The following GRID2 variants were observed in gnomAD, a reference collection of about 807,000 sequenced individuals.
GRID2 encodes the protein glutamate ionotropic receptor delta type subunit 2, also known as glutamate receptor ionotropic, delta-2.
A neutral mutation model predicts 114.8 loss-of-function variants in GRID2; 33 were observed. The observed-to-expected ratio is 0.29, with a 90% CI of 0.22 to 0.38. GRID2 has a LOEUF of 0.38. Ranked by LOEUF, GRID2 falls within the 10% of genes least tolerant of loss-of-function variation. The pLI is 1.00. For missense variants in GRID2, 1,184 were observed against 1,257.7 expected (o/e 0.94, Z 0.89); for synonymous variants, 505 against 449.9 (o/e 1.12, Z -1.55).
intron 2 of GRID2, among the ~76,000 whole-genome samples, chr4:92,957,109 C>A (rs1461772256): frequency 3.3e-5 from 5 of 152,034 alleles, no homozygotes; most frequent in Non-Finnish European, 1.5e-5. Flanking sequence ...CTTGTTTTAT[C>A]ATTCTCTTGA....
chr4:92,556,943 G>A (rs1176668991), intron 1 of GRID2, among the ~76,000 whole-genome samples: 9 of 152,084 alleles, frequency 5.9e-5, no homozygotes, highest in East Asian at 3.9e-4. Context: ...TACCACTCAC[G>A]TAATATCCTA....
chr4:93,595,771 C>G (rs1389822428), intron 13 of GRID2, among the ~76,000 whole-genome samples: 1 of 152,122 alleles, frequency 6.6e-6, no homozygotes, highest in Non-Finnish European at 1.5e-5. Flanking sequence ...ATTCCCTCAT[C>G]ATTATATTAC....
At chr4:92,986,896 G>A (rs1301653764) in intron 2 of GRID2, among the ~76,000 whole-genome samples, 1 of 152,082 alleles carries the variant, frequency 6.6e-6, no homozygotes, top group Non-Finnish European at 1.5e-5. Flanking sequence ...TGGACAGCTT[G>A]GTGAGTTGAC....
chr4:92,803,631 G>T (rs993034875), intron 2 of GRID2, among the ~76,000 whole-genome samples: 21 of 151,900 alleles, frequency 1.4e-4, no homozygotes, highest in African/African-American at 5.1e-4. Flanking sequence ...TCAGTGAAAA[G>T]ATTTTCAGAG....
At chr4:92,813,896 A>G (rs1274509647) in intron 2 of GRID2, among the ~76,000 whole-genome samples, 1 of 152,096 alleles carries the variant, frequency 6.6e-6, no homozygotes, top group Non-Finnish European at 1.5e-5. Flanking sequence ...TGATCTTACC[A>G]TATATTTCTA....
intron 14 of GRID2, among the ~76,000 whole-genome samples, chr4:93,763,035 T>C (rs1407401301): frequency 1.3e-5 from 2 of 152,092 alleles, no homozygotes; most frequent in Non-Finnish European, 2.9e-5. Context: ...TTAGCACCTA[T>C]AGCCTTTGCA....
At chr4:93,204,695 C>T (rs1270546845) in intron 4 of GRID2, among the ~76,000 whole-genome samples, 1 of 152,132 alleles carries the variant, frequency 6.6e-6, no homozygotes, top group Non-Finnish European at 1.5e-5. Context: ...ATCTCATGGT[C>T]TAGATAAGTT....
At chr4:93,401,271 A>G (rs1449339399) in intron 9 of GRID2, among the ~76,000 whole-genome samples, 1 of 152,118 alleles carries the variant, frequency 6.6e-6, no homozygotes, top group Non-Finnish European at 1.5e-5. Flanking sequence ...GAATTCATAT[A>G]TAAATATATG....
chr4:93,473,474 C>G (rs1725034987), intron 11 of GRID2, among the ~76,000 whole-genome samples: 1 of 151,652 alleles, frequency 6.6e-6, no homozygotes, highest in African/African-American at 2.4e-5. Flanking sequence ...TTACTGTGTC[C>G]CACTAGATAT....
intron 2 of GRID2, among the ~76,000 whole-genome samples, chr4:92,947,057 A>T (rs1293893615): frequency 6.6e-6 from 1 of 152,096 alleles, no homozygotes; most frequent in African/African-American, 2.4e-5. Flanking sequence ...ACATGCTAAT[A>T]ATTTTGTAGG....
intron 4 of GRID2, among the ~76,000 whole-genome samples, chr4:93,131,043 A>T (rs1235324023): frequency 1.3e-5 from 2 of 152,100 alleles, no homozygotes; most frequent in Non-Finnish European, 2.9e-5. Flanking sequence ...ACATAAATGA[A>T]AGTAAAGATT....
At chr4:92,733,224 A>G (rs533286690) in intron 2 of GRID2, among the ~76,000 whole-genome samples, 1 of 152,242 alleles carries the variant, frequency 6.6e-6, no homozygotes, top group African/African-American at 2.4e-5. Flanking sequence ...TCTGATTTCT[A>G]TCCAAATGGA....
chr4:92,455,477 T>C (rs549894498), intron 1 of GRID2, among the ~76,000 whole-genome samples: 1 of 152,212 alleles, frequency 6.6e-6, no homozygotes, highest in East Asian at 1.9e-4. Context: ...AACGTGAACC[T>C]AGTGTTGGGC....
At chr4:93,170,062 A>G (rs957356273) in intron 4 of GRID2, among the ~76,000 whole-genome samples, 38 of 152,136 alleles carry the variant, frequency 2.5e-4, no homozygotes, top group Non-Finnish European at 2.9e-5. Context: ...ATTTCAAGTA[A>G]AACAAACTTC....
rs1430112083 is a variant in GRID2 at position 93,772,209 on chromosome 4, CACG to C, written c.2738_2740del (p.Arg913del). The C allele has an allele frequency of 1.2e-6, 2 of 1,613,962 alleles. No individual in the cohort carries two copies. The highest frequency in any genetic ancestry group is 2.7e-5 in the African/African-American group (2 of 74,902). The stretch of plus-strand genomic sequence containing the variant: ...CCTCTGGACATTGACACTTTGCCAA[CACG>C]ACAAGCACTGGAGCAAATCAGTGAT... On this transcript the variant is annotated inframe_deletion, in exon 16 of 16. Coordinates refer to ENST00000282020, the MANE Select transcript of GRID2 (RefSeq NM_001510.4).
chr4:92,377,915 G>A (rs1454375525), intron 1 of GRID2, among the ~76,000 whole-genome samples: 1 of 151,998 alleles, frequency 6.6e-6, no homozygotes, highest in African/African-American at 2.4e-5. Context: ...GATTTGAGTG[G>A]GGACACAGCC....
chr4:92,423,783 G>T (rs1312432809), intron 1 of GRID2, among the ~76,000 whole-genome samples: 1 of 152,062 alleles, frequency 6.6e-6, no homozygotes, highest in Admixed American at 6.6e-5. Context: ...TTTTGTAGCC[G>T]AAAGTAAGTT....
At chr4:93,777,134 A>G (rs1389185882), downstream of GRID2, among the ~76,000 whole-genome samples, 1 of 152,112 alleles carries the variant, frequency 6.6e-6, no homozygotes, top group Non-Finnish European at 1.5e-5. Context: ...TCCAACCCAC[A>G]CATACCTCCA....
chr4:92,434,624 G>C (rs28540041), intron 1 of GRID2, among the ~76,000 whole-genome samples: 54,890 of 151,832 alleles, frequency 0.36, 11,049 homozygotes, highest in African/African-American at 0.54. Context: ...AAATAGAATA[G>C]AGATAGGGTA....
Sources: gnomAD v4.1 joint callset for allele counts (sites outside exome capture counted in the v4.1 genomes callset) on GRCh38, gnomAD v4.1.1 for gene constraint, MANE v1.5 for transcripts, NCBI Gene and HGNC (gene_info 2026-07-23, HGNC 2026-07-21) for gene names.